STK32B: variants seen among roughly 807,000 people sequenced by gnomAD.
STK32B encodes the protein serine/threonine-protein kinase 32B.
In STK32B, 43 loss-of-function variants were observed where a neutral mutation model predicts 52.6. The ratio of observed to expected loss-of-function variants is 0.82; its 90% confidence interval spans 0.64 to 1.05. The LOEUF (loss-of-function observed/expected upper bound fraction) is 1.05, where lower values mean the gene tolerates loss of function less well. Ranked by LOEUF, STK32B falls within the 50% of genes least tolerant of loss-of-function variation. The pLI is 0.00. For synonymous variants in STK32B, 238 were observed against 204.3 expected (o/e 1.17, Z -1.41); for missense variants, 621 against 534.6 (o/e 1.16, Z -1.59).
chr4:5,499,881 C>G lies in STK32B; in HGVS notation c.*798C>G, dbSNP rs992910230. 6.6e-6 allele frequency: 1 copy of G among 152,346 alleles called. No homozygotes were observed. Among genetic ancestry groups the G allele is most frequent in the African/African-American group, 2.4e-5 (1 of 41,470 alleles). 9.4% of individuals were successfully genotyped at this position (152,346 alleles called of 1,614,324 possible). A position where few individuals can be genotyped will look rare whatever the true frequency, so the allele number is the denominator to read the frequency against. ...AGAGTGTAATCAGCACCCCATCCAA[C>G]TGGCCCGAAAGCCCAGACCTGCAGC... On this transcript the variant is annotated 3_prime_UTR_variant, in exon 12 of 12. Coordinates refer to ENST00000282908, the MANE Select transcript of STK32B (RefSeq NM_018401.3).
intron 11 of STK32B, among the ~76,000 whole-genome samples, chr4:5,495,534 G>C (rs1375602966): frequency 2.6e-5 from 4 of 152,120 alleles, no homozygotes; most frequent in African/African-American, 7.2e-5. Flanking sequence ...TCCTCCTGTA[G>C]CTCGCAGTAG....
intron 3 of STK32B, among the ~76,000 whole-genome samples, chr4:5,289,010 T>C (rs1728718310): frequency 6.6e-6 from 1 of 152,254 alleles, no homozygotes; most frequent in Non-Finnish European, 1.5e-5. Context: ...AACAGTCATA[T>C]GTCACTTGAC....
intron 11 of STK32B, among the ~76,000 whole-genome samples, chr4:5,494,151 G>C (rs59296742): frequency 6.6e-6 from 1 of 151,954 alleles, no homozygotes; most frequent in Admixed American, 6.6e-5. Context: ...TTTCTGTCTC[G>C]TTGATCTGTC....
chr4:5,301,497 GTTGA>G (rs1040101518), intron 3 of STK32B, among the ~76,000 whole-genome samples: 2 of 151,612 alleles, frequency 1.3e-5, no homozygotes, highest in East Asian at 1.9e-4. Flanking sequence ...CTTGAATAGT[GTTGA>G]TTGTTTACAT....
chr4:5,115,465 A>G (rs1435628338), intron 1 of STK32B, among the ~76,000 whole-genome samples: 2 of 152,244 alleles, frequency 1.3e-5, no homozygotes, highest in Non-Finnish European at 2.9e-5. Flanking sequence ...GGTGGCACAC[A>G]TGAGCATCTG....
intron 1 of STK32B, among the ~76,000 whole-genome samples, chr4:5,101,887 G>A (rs1713807000): frequency 6.6e-6 from 1 of 152,196 alleles, no homozygotes; most frequent in Non-Finnish European, 1.5e-5. Flanking sequence ...AGGCCTTCAA[G>A]TAAGACAGGC....
chr4:5,227,411 T>C (rs1723953668), intron 3 of STK32B, among the ~76,000 whole-genome samples: 1 of 152,222 alleles, frequency 6.6e-6, no homozygotes, highest in Non-Finnish European at 1.5e-5. Context: ...CATATTCCAT[T>C]ATAAGATTTT....
At chr4:5,262,520 G>A (rs1726779956) in intron 3 of STK32B, among the ~76,000 whole-genome samples, 1 of 151,796 alleles carries the variant, frequency 6.6e-6, no homozygotes, top group Admixed American at 6.6e-5. Flanking sequence ...AGCTACTCGG[G>A]AGGCTGCGGC....
Position 5,466,161 on chromosome 4 carries a change from C to T in STK32B, c.910-542C>T, listed in dbSNP as rs558697754. On this transcript the variant is annotated intron_variant, in intron 9 of 11. Transcript: ENST00000282908. ...GTCCAAGGCCCAGAAGTCAGGGAGA[C>T]CTAAATTCCTCCTGACCACAGCGGG... is the stretch of plus-strand genomic sequence containing the variant. Among the ~76,000 whole-genome samples the T allele has an allele frequency of 4.7e-4, 71 of 152,220 alleles. 1 individual carries two copies. The South Asian group carries it at 0.014, about 31-fold the overall frequency.
chr4:5,188,747 T>C (rs1720940782), intron 3 of STK32B, among the ~76,000 whole-genome samples: 1 of 151,902 alleles, frequency 6.6e-6, no homozygotes, highest in African/African-American at 2.4e-5. Context: ...AGAAGAAAGA[T>C]GTCTCTCCAT....
chr4:5,486,658 C>G (rs964827007), intron 11 of STK32B, among the ~76,000 whole-genome samples: 2 of 152,220 alleles, frequency 1.3e-5, no homozygotes, highest in African/African-American at 4.8e-5. Flanking sequence ...GCAGAAATCA[C>G]CTGTCTTCTG....
intron 3 of STK32B, among the ~76,000 whole-genome samples, chr4:5,180,103 G>T (rs1023179983): frequency 2.6e-5 from 4 of 152,198 alleles, no homozygotes; most frequent in African/African-American, 4.8e-5. Flanking sequence ...AGTCTGTGTG[G>T]CCCCAGGACT....
At chr4:5,036,819 C>A in the STK32B span, among the ~76,000 whole-genome samples, 1 of 151,834 alleles carries the variant, frequency 6.6e-6, no homozygotes, top group African/African-American at 2.4e-5. Flanking sequence ...AGGCGCCCAC[C>A]ACCACACCCG....
rs1485618821 is a variant in STK32B at position 5,500,934 on chromosome 4, A to G, written c.*1851A>G. 1.3e-5 allele frequency: 2 copies of G among 150,144 alleles called. No homozygotes were observed. The highest frequency in any genetic ancestry group is 1.3e-4 in the Admixed American group (2 of 15,050). 9.3% of individuals were successfully genotyped at this position (150,144 alleles called of 1,614,324 possible). ...CTGGAAGTCGCCCTAGGAACACCAGATTTCCTGGTTCTGTTCAAGTTGGCA... is the reference window on the plus strand; with the variant it reads ...CTGGAAGTCGCCCTAGGAACACCAGGTTTCCTGGTTCTGTTCAAGTTGGCA... On this transcript the variant is annotated 3_prime_UTR_variant, in exon 12 of 12. Coordinates refer to ENST00000282908, the MANE Select transcript of STK32B (RefSeq NM_018401.3).
chr4:5,205,457 C>T (rs1722491113), intron 3 of STK32B, among the ~76,000 whole-genome samples: 1 of 152,172 alleles, frequency 6.6e-6, no homozygotes, highest in Non-Finnish European at 1.5e-5. Context: ...AAGGCAAGGT[C>T]CAGGGCACAC....
At chr4:5,446,917 T>G (rs1715506048) in intron 7 of STK32B, 141 bp downstream of exon 7, 1 of 697,432 alleles carries the variant, frequency 1.4e-6, no homozygotes, top group South Asian at 1.8e-5. Flanking sequence ...TCAGTCCTGA[T>G]GCCTGTGTGC....
At chr4:5,021,589 A>T in the STK32B span, among the ~76,000 whole-genome samples, 3 of 152,346 alleles carry the variant, frequency 2.0e-5, no homozygotes, top group Admixed American at 2.0e-4. Context: ...AAACAAGCCC[A>T]TGGACCAAAC....
In STK32B at chr4:5,378,880, C is replaced by A. The variant is rs1310607631; in HGVS notation, c.435-19327C>A. Among the ~76,000 whole-genome samples the A allele has an allele frequency of 6.6e-6, 1 of 152,112 alleles. No homozygotes were observed. Among genetic ancestry groups the A allele is most frequent in the Non-Finnish European group, 1.5e-5 (1 of 68,030 alleles). The stretch of plus-strand genomic sequence containing the variant: ...TCCTGGCACGCTGCTGCCATCCTTG[C>A]AGCATTAAAGGCGTCATCTGCAAAA... On this transcript the variant is annotated intron_variant, in intron 4 of 11. Transcript: ENST00000282908. This position sits in a 1 kb window ranked among gnomAD's most constrained non-coding sequence, Gnocchi z 4.4.
intron 1 of STK32B, among the ~76,000 whole-genome samples, chr4:5,064,092 A>G (rs1742317663): frequency 6.6e-6 from 1 of 151,744 alleles, no homozygotes. Flanking sequence ...CTGTTTTGCA[A>G]TTTCACTTTT....
Sources: gnomAD v4.1 joint callset for allele counts (sites outside exome capture counted in the v4.1 genomes callset) on GRCh38, gnomAD v4.1.1 for gene constraint, Gnocchi (gnomAD v3.1) non-coding constraint, MANE v1.5 for transcripts, NCBI Gene and HGNC (gene_info 2026-07-23, HGNC 2026-07-21) for gene names.